EXOC6B: variants seen among roughly 807,000 people sequenced by gnomAD.
The protein encoded by EXOC6B is exocyst complex component 6B.
A neutral mutation model predicts 113.5 loss-of-function variants in EXOC6B; 54 were observed. The ratio of observed to expected loss-of-function variants is 0.48; its 90% CI spans 0.38 to 0.60. The LOEUF is 0.60. Ranked by LOEUF, EXOC6B falls within the 20% of genes least tolerant of loss-of-function variation. The pLI is 0.00. For missense variants in EXOC6B, 797 were observed against 977.5 expected (o/e 0.82, Z 2.46); for synonymous variants, 357 against 339.0 (o/e 1.05, Z -0.58).
At chr2:72,401,528 T>TATATATATATATATATACATATATAC (rs1558630372) in intron 18 of EXOC6B, among the ~76,000 whole-genome samples, 10 of 19,824 alleles carry the variant, frequency 5.0e-4, no homozygotes, top group African/African-American at 8.4e-4. Context: ...TATATACATA[T>TATATATATATATATATACATATATAC]ATATATATAT....
intron 1 of EXOC6B, among the ~76,000 whole-genome samples, chr2:72,783,453 T>C (rs1424707948): frequency 2.7e-5 from 4 of 150,482 alleles, no homozygotes; most frequent in Admixed American, 1.3e-4. Context: ...GCCTCCTGAG[T>C]AGCTGGGATT....
At chr2:72,357,569 G>A (rs868659876) in intron 19 of EXOC6B, among the ~76,000 whole-genome samples, 3 of 151,982 alleles carry the variant, frequency 2.0e-5, no homozygotes, top group African/African-American at 7.2e-5. Context: ...TTGCACACTT[G>A]TAATCCCAGC....
In EXOC6B at chr2:72,275,069, G is replaced by A. The variant is rs890275125; in HGVS notation, c.2196+59878C>T. On this transcript the variant is annotated intron_variant, in intron 20 of 21. Coordinates refer to ENST00000272427, the MANE Select transcript of EXOC6B (RefSeq NM_015189.3). ...GTCATGAGTGACTGTCAAATAAATC[G>A]TTTACAGTATTCCCTTAACCTAGTA... Among the ~76,000 whole-genome samples, 4 of 152,178 alleles carry A rather than the reference G, an allele frequency of 2.6e-5. No individual in the cohort carries two copies. The East Asian group carries it at 5.8e-4, about 22-fold the overall frequency.
At chr2:72,681,452 C>T (rs1488084027) in intron 6 of EXOC6B, among the ~76,000 whole-genome samples, 6 of 152,098 alleles carry the variant, frequency 3.9e-5, no homozygotes, top group Non-Finnish European at 8.8e-5. Context: ...TCTTTTAAGG[C>T]TCTGAATCCC....
intron 20 of EXOC6B, among the ~76,000 whole-genome samples, chr2:72,238,405 T>C (rs1167398145): frequency 6.6e-6 from 1 of 152,236 alleles, no homozygotes; most frequent in African/African-American, 2.4e-5. Flanking sequence ...TGTTTTCATC[T>C]TGAGTATATA....
intron 19 of EXOC6B, among the ~76,000 whole-genome samples, chr2:72,377,072 G>C (rs1384484095): frequency 1.3e-5 from 2 of 152,098 alleles, no homozygotes; most frequent in African/African-American, 4.8e-5. Flanking sequence ...AAGAAGATAT[G>C]CATATGGCCA....
At chr2:72,755,259 A>G (rs1682340193) in intron 1 of EXOC6B, among the ~76,000 whole-genome samples, 1 of 152,226 alleles carries the variant, frequency 6.6e-6, no homozygotes, top group Non-Finnish European at 1.5e-5. Flanking sequence ...GGGCACCACT[A>G]CTAATGATAT....
At chr2:72,685,554 C>A (rs1383506122) in intron 6 of EXOC6B, among the ~76,000 whole-genome samples, 4 of 152,038 alleles carry the variant, frequency 2.6e-5, no homozygotes, top group Non-Finnish European at 4.4e-5. Context: ...CCAAAAAAAA[C>A]AACAGTACTT....
At chr2:72,668,226 A>G (rs1281597719) in intron 6 of EXOC6B, among the ~76,000 whole-genome samples, 4 of 152,224 alleles carry the variant, frequency 2.6e-5, no homozygotes, top group Admixed American at 1.3e-4. Flanking sequence ...ACCACGACAC[A>G]TTAGTCAGAA....
In EXOC6B at chr2:72,741,330, C is replaced by T; in HGVS notation, c.253G>A (p.Val85Met). The T allele has an allele frequency of 6.2e-7, 1 of 1,613,208 alleles. No individual in the cohort carries two copies. Among genetic ancestry groups the T allele is most frequent in the East Asian group, 2.2e-5 (1 of 44,870 alleles). Residue 85 changes from valine (V) to methionine (M), a missense_variant, in exon 2 of 22, where the codon GTG becomes ATG. Val to Met is a conservative substitution (Grantham distance 21, BLOSUM62 1). Transcript: ENST00000272427. ...FVDSITELLKVRGEAQKLKNQ... is the reference protein window; with the variant it reads ...FVDSITELLKMRGEAQKLKNQ... ...TTGAGTTTCTGGGCTTCTCCTCTCA[C>T]TTTCAGCAGTTCAGTTATAGAGTCC...
chr2:72,368,229 T>C (rs778033058), intron 19 of EXOC6B, among the ~76,000 whole-genome samples: 10 of 152,074 alleles, frequency 6.6e-5, no homozygotes, highest in Non-Finnish European at 1.0e-4. Context: ...GAGAATACTA[T>C]AAACACCTCT....
At chr2:72,738,268 TG>T (rs1476283802) in intron 2 of EXOC6B, among the ~76,000 whole-genome samples, 1 of 152,210 alleles carries the variant, frequency 6.6e-6, no homozygotes, top group African/African-American at 2.4e-5. Flanking sequence ...CATGAGATTC[TG>T]GCCCTCTCCA....
chr2:72,683,796 C>G (rs1480014323), intron 6 of EXOC6B, among the ~76,000 whole-genome samples: 1 of 152,178 alleles, frequency 6.6e-6, no homozygotes, highest in Non-Finnish European at 1.5e-5. Context: ...TTCAGCCCAG[C>G]TATCTCTCAG....
intron 21 of EXOC6B, among the ~76,000 whole-genome samples, chr2:72,181,715 C>G (rs1238480656): frequency 6.6e-6 from 1 of 152,146 alleles, no homozygotes; most frequent in Non-Finnish European, 1.5e-5. Context: ...AGAGGGTAGT[C>G]TTTGGCCACA....
At chr2:72,689,547 A>C (rs1470899653) in intron 6 of EXOC6B, among the ~76,000 whole-genome samples, 7 of 152,194 alleles carry the variant, frequency 4.6e-5, no homozygotes, top group Non-Finnish European at 1.0e-4. Flanking sequence ...AGGGGATATA[A>C]TTGATTGGCT....
intron 16 of EXOC6B, among the ~76,000 whole-genome samples, chr2:72,487,647 C>T (rs1286267552): frequency 6.6e-6 from 1 of 152,148 alleles, no homozygotes; most frequent in African/African-American, 2.4e-5. Context: ...GCGTGAGCCA[C>T]TGTGCCGAAT....
intron 17 of EXOC6B, among the ~76,000 whole-genome samples, chr2:72,477,495 A>G (rs1055024257): frequency 6.6e-6 from 1 of 152,162 alleles, no homozygotes; most frequent in Non-Finnish European, 1.5e-5. Flanking sequence ...GGAGTATTGC[A>G]ACTACCTCCC....
chr2:72,696,826 A>G (rs1392213691), intron 6 of EXOC6B, among the ~76,000 whole-genome samples: 6 of 152,164 alleles, frequency 3.9e-5, no homozygotes, highest in Non-Finnish European at 7.3e-5. Flanking sequence ...TAAAAAAATG[A>G]TAAGTCAGTA....
intron 20 of EXOC6B, among the ~76,000 whole-genome samples, chr2:72,297,039 A>G (rs1020192904): frequency 5.3e-5 from 8 of 152,208 alleles, no homozygotes; most frequent in Non-Finnish European, 1.2e-4. Flanking sequence ...ATGCAATCAA[A>G]TAGAAGTGGA....
Sources: gnomAD v4.1 joint callset for allele counts (sites outside exome capture counted in the v4.1 genomes callset) on GRCh38, gnomAD v4.1.1 for gene constraint, MANE v1.5 for transcripts, NCBI Gene and HGNC (gene_info 2026-07-23, HGNC 2026-07-21) for gene names.